The following LIFR variants were observed in gnomAD, a reference collection of about 807,000 sequenced individuals.
The protein encoded by LIFR is LIF receptor subunit alpha, also known as leukemia inhibitory factor receptor.
In LIFR, 84 loss-of-function variants were observed where a neutral mutation model predicts 122.2. That is an observed-to-expected ratio of 0.69 (90% CI 0.58 to 0.82). The LOEUF (loss-of-function observed/expected upper bound fraction) is 0.82. LIFR is among the 40% of genes least tolerant of loss of function. LIFR has a pLI of 0.00. For synonymous variants in LIFR, 422 were observed against 434.7 expected (o/e 0.97, Z 0.36); for missense variants, 1,294 against 1,311.6 (o/e 0.99, Z 0.21).
intron 4 of LIFR, among the ~76,000 whole-genome samples, chr5:38,526,595 T>C (rs1290199010): frequency 6.6e-6 from 1 of 152,174 alleles, no homozygotes; most frequent in Non-Finnish European, 1.5e-5. Flanking sequence ...GCAGAGCTTC[T>C]CTTGCACACA....
At position 38,506,762 on chromosome 5, in the gene LIFR, G is replaced by A. The variant is rs917145850; in HGVS notation, c.992-130C>T. 5.3e-6 allele frequency: 4 copies of A among 758,084 alleles called. No individual in the cohort carries two copies. The Admixed American group carries it at 6.8e-5, about 13-fold the overall frequency. The allele number at this position is 758,084 out of a possible 1,614,324, so 47.0% of individuals were successfully genotyped here. A position where few individuals can be genotyped will look rare whatever the true frequency, so the allele number is the denominator to read the frequency against. On this transcript the variant is annotated intron_variant, in intron 7 of 19. Coordinates refer to ENST00000453190, the MANE Select transcript of LIFR (RefSeq NM_001127671.2). ...AATTTACTATTTACATTTTACTTTTGAATAATGCAGGAATTATTCTCTCTG... is the reference window on the plus strand; with the variant it reads ...AATTTACTATTTACATTTTACTTTTAAATAATGCAGGAATTATTCTCTCTG...
intron 5 of LIFR, among the ~76,000 whole-genome samples, chr5:38,521,293 A>G (rs1300581305): frequency 6.6e-6 from 1 of 152,168 alleles, no homozygotes; most frequent in African/African-American, 2.4e-5. Context: ...CAACTTTACT[A>G]ACTTTATTTA....
At chr5:38,575,806 G>A (rs1749366974) in intron 1 of LIFR, among the ~76,000 whole-genome samples, 1 of 152,118 alleles carries the variant, frequency 6.6e-6, no homozygotes, top group African/African-American at 2.4e-5. Context: ...TCTGGGTTCT[G>A]GGACCAATCT....
At chr5:38,505,003 A>G (rs977643548) in intron 9 of LIFR, among the ~76,000 whole-genome samples, 1 of 152,150 alleles carries the variant, frequency 6.6e-6, no homozygotes, top group Non-Finnish European at 1.5e-5. Flanking sequence ...CCTGACATGG[A>G]GTGTTAATGC....
rs142407999 is a variant in LIFR, at chr5:38,496,546, G to A, written c.1721C>T (p.Ser574Leu). The change falls in exon 13 of 20, where the codon TCG becomes TTG. Residue 574 changes from serine (S) to leucine (L), a missense_variant. Physicochemically the swap from Ser to Leu is moderately radical, Grantham distance 145. Transcript: ENST00000453190. ...CTGTGTTTCCTCATCTGATGAACAC[G>A]ATACATTGTAGGAAAGTATTTTTCC... is the stretch of plus-strand genomic sequence containing the variant. ...ANGKILSYNV[S>L]CSSDEETQSL... The A allele has an allele frequency of 1.4e-5, 22 of 1,613,684 alleles. No individual in the cohort carries two copies. The highest frequency in any genetic ancestry group is 1.0e-4 in the Admixed American group (6 of 60,008).
chr5:38,506,618 G>C lies in LIFR; in HGVS notation c.1006C>G (p.Pro336Ala), dbSNP rs1382417305. The change falls in exon 8 of 20, where the codon CCT (proline) becomes GCT (alanine). Residue 336 changes from proline (P) to alanine (A), a missense_variant. Transcript: ENST00000453190. ...TGTGTCTCACAATTCAGTTGTTGAG[G>C]AGTATCTGGTGGATCTAACAGAAAA... ...VIFAGYPPDT[P>A]QQLNCETHDL... The C allele has an allele frequency of 1.9e-6, 3 of 1,612,924 alleles. No individual in the cohort carries two copies. The highest frequency in any genetic ancestry group is 2.5e-6 in the Non-Finnish European group (3 of 1,179,028).
At chr5:38,496,097 A>C (rs1230562556) in intron 13 of LIFR, among the ~76,000 whole-genome samples, 1 of 152,146 alleles carries the variant, frequency 6.6e-6, no homozygotes, top group Non-Finnish European at 1.5e-5. Flanking sequence ...AAACTCTTAA[A>C]ATATTTCTTC....
intron 14 of LIFR, among the ~76,000 whole-genome samples, chr5:38,492,265 G>A (rs1285235394): frequency 6.6e-6 from 1 of 152,166 alleles, no homozygotes; most frequent in African/African-American, 2.4e-5. Context: ...CAATTGAGTT[G>A]GCACAGAAAG....
chr5:38,498,182 G>T (rs571756039), intron 12 of LIFR, among the ~76,000 whole-genome samples: 57 of 152,284 alleles, frequency 3.7e-4, no homozygotes, highest in African/African-American at 1.3e-3. Context: ...TAAGGGGCAG[G>T]CTTTAGTCCT....
In LIFR at chr5:38,508,783, A is replaced by G. The variant is rs750303191; in HGVS notation, c.991+1681T>C. On this transcript the variant is annotated intron_variant, in intron 7 of 19. Coordinates refer to ENST00000453190, the MANE Select transcript of LIFR (RefSeq NM_001127671.2). ...CTTTTTTTAATAGAGACAGGGTTTC[A>G]CCGTGTTAGCCAGGATGGTCTCGAT... Among the ~76,000 whole-genome samples the G allele has an allele frequency of 2.0e-5, 3 of 151,540 alleles. No individual in the cohort carries two copies. The East Asian group carries it at 5.9e-4, about 30-fold the overall frequency.
intron 15 of LIFR, 142 bp from the exon 16 acceptor site, chr5:38,489,387 G>T (rs1477443752): frequency 1.1e-5 from 8 of 737,122 alleles, no homozygotes; most frequent in Non-Finnish European, 1.8e-5. Flanking sequence ...AGAGAGAGAT[G>T]ATCACAAACG....
At chr5:38,541,435 G>A (rs748946446) in intron 1 of LIFR, among the ~76,000 whole-genome samples, 10 of 152,120 alleles carry the variant, frequency 6.6e-5, no homozygotes, top group Non-Finnish European at 1.3e-4. Flanking sequence ...GAAAAGCAAG[G>A]ATCAGAAACA....
upstream of LIFR, among the ~76,000 whole-genome samples, chr5:38,597,813 G>C (rs185286165): frequency 1.1e-4 from 17 of 152,276 alleles, no homozygotes; most frequent in African/African-American, 3.9e-4. Flanking sequence ...CATGGGCTTA[G>C]TCTAGAGGGA....
chr5:38,523,348 C>T, intron 5 of LIFR, 71 bp downstream of exon 5: 1 of 1,310,282 alleles, frequency 7.6e-7, no homozygotes, highest in Non-Finnish European at 1.1e-6. Context: ...CTGATACCAC[C>T]TTAAGGCTTC....
At chr5:38,550,498 C>T (rs977617294) in intron 1 of LIFR, among the ~76,000 whole-genome samples, 4 of 152,194 alleles carry the variant, frequency 2.6e-5, no homozygotes, top group Admixed American at 6.5e-5. Flanking sequence ...GCCTGTCTGG[C>T]TTAAGAGTTT....
chr5:38,566,266 T>G (rs913359883), intron 1 of LIFR, among the ~76,000 whole-genome samples: 29 of 152,210 alleles, frequency 1.9e-4, no homozygotes, highest in Admixed American at 1.8e-3. Flanking sequence ...CTAAAAGATA[T>G]AGGAAATATA....
intron 3 of LIFR, 137 bp downstream of exon 3, chr5:38,528,589 A>G: frequency 1.4e-6 from 1 of 696,962 alleles, no homozygotes; most frequent in Non-Finnish European, 2.6e-6. Flanking sequence ...AATGAGGCAG[A>G]GGTCACGGCA....
chr5:38,583,884 G>A (rs868072839), intron 1 of LIFR, among the ~76,000 whole-genome samples: 1 of 152,140 alleles, frequency 6.6e-6, no homozygotes, highest in Non-Finnish European at 1.5e-5. Context: ...CATGACATCT[G>A]ATGGCTTTAT....
intron 2 of LIFR, among the ~76,000 whole-genome samples, chr5:38,602,138 C>T (rs1750233510): frequency 2.0e-5 from 3 of 152,188 alleles, no homozygotes; most frequent in African/African-American, 2.4e-5. Flanking sequence ...TGTCCAGTTT[C>T]ACAACCTCCC....
Sources: allele counts gnomAD v4.1 joint callset (sites outside exome capture counted in the v4.1 genomes callset), GRCh38; gene constraint gnomAD v4.1.1; transcripts MANE v1.5; gene names NCBI Gene and HGNC (gene_info 2026-07-23, HGNC 2026-07-21).